The following AMDHD1 variants were observed in gnomAD, a reference collection of about 807,000 sequenced individuals.
The protein encoded by AMDHD1 is probable imidazolonepropionase.
In AMDHD1, 45 loss-of-function variants were observed where a neutral mutation model predicts 44.1. That is an observed-to-expected ratio of 1.02 (90% CI 0.80 to 1.31). The LOEUF (loss-of-function observed/expected upper bound fraction) is 1.31, where lower values mean the gene tolerates loss of function less well. Among genes scored for constraint, AMDHD1 ranks in the 50% most tolerant of loss-of-function variants. The pLI is 0.00. For synonymous variants in AMDHD1, 206 were observed against 205.0 expected, an observed-to-expected ratio of 1.00 and a Z score of -0.04; for missense variants, 586 against 552.1, an observed-to-expected ratio of 1.06 and a Z score of -0.61.
chr12:95,943,922 C>T (rs1374338155), intron 1 of AMDHD1, among the ~76,000 whole-genome samples: 1 of 152,158 alleles, frequency 6.6e-6, no homozygotes, highest in African/African-American at 2.4e-5. Context: ...CCCCCACTCC[C>T]TATCCCTAGA....
chr12:95,963,549 T>TTTA (rs2080593847), intron 6 of AMDHD1, among the ~76,000 whole-genome samples: 1 of 152,206 alleles, frequency 6.6e-6, no homozygotes, highest in Non-Finnish European at 1.5e-5. Flanking sequence ...ATTATACATT[T>TTTA]TTATTATTAT....
At chr12:95,957,045 C>A in intron 4 of AMDHD1, 83 bp downstream of exon 4, 5 of 1,554,792 alleles carry the variant, frequency 3.2e-6, no homozygotes, top group Admixed American at 1.7e-5. Flanking sequence ...AGCACTTTAG[C>A]TCTTGCAGGG....
At position 95,965,407 on chromosome 12, in the gene AMDHD1, T is replaced by C. The variant is rs138761588; in HGVS notation, c.939-279T>C. Among the ~76,000 whole-genome samples, 568 of 152,202 alleles carry C rather than the reference T, an allele frequency of 3.7e-3. 4 individuals are homozygous for C. The highest frequency in any genetic ancestry group is 0.013 in the African/African-American group (547 of 41,530). On this transcript the variant is annotated intron_variant, in intron 6 of 8. Transcript: ENST00000266736. Reference sequence around the variant, plus strand: ...AAACCATTTGTAAGTTATATTTTCCTCCCTTTGCAAGAATGCCTTAATATG... The same window carrying C: ...AAACCATTTGTAAGTTATATTTTCCCCCCTTTGCAAGAATGCCTTAATATG...
At chr12:95,960,307 T>C in intron 4 of AMDHD1, 91 bp from the exon 5 acceptor site, 1 of 1,093,908 alleles carries the variant, frequency 9.1e-7, no homozygotes, top group Non-Finnish European at 1.3e-6. Flanking sequence ...TTACCTCTAC[T>C]GCTCCTCAGG....
At chr12:95,965,825 G>A in intron 7 of AMDHD1, 46 bp downstream of exon 7, 1 of 1,216,762 alleles carries the variant, frequency 8.2e-7, no homozygotes, top group South Asian at 1.4e-5. Context: ...TATCTACCAA[G>A]CATATAAATA....
At chr12:95,955,085 T>A (rs555577080) in intron 3 of AMDHD1, 110 bp downstream of exon 3, 2 of 1,078,996 alleles carry the variant, frequency 1.9e-6, no homozygotes, top group South Asian at 2.8e-5. Flanking sequence ...TATTTTTTAA[T>A]GGATATTTTT....
intron 1 of AMDHD1, among the ~76,000 whole-genome samples, chr12:95,951,360 C>G (rs779852034): frequency 2.0e-5 from 3 of 152,188 alleles, no homozygotes; most frequent in Admixed American, 6.5e-5. Flanking sequence ...CTGTGCCTGG[C>G]TTATTTCACT....
intron 6 of AMDHD1, among the ~76,000 whole-genome samples, chr12:95,964,083 C>T (rs1329483101): frequency 6.8e-6 from 1 of 146,874 alleles, no homozygotes; most frequent in East Asian, 2.2e-4. Flanking sequence ...AATCTCTTGA[C>T]ATGGAGCAAA....
chr12:95,961,516 C>A (rs2080581391), intron 5 of AMDHD1, among the ~76,000 whole-genome samples: 3 of 152,174 alleles, frequency 2.0e-5, no homozygotes. Flanking sequence ...AATAAACAAG[C>A]CCTTGGGGCA....
chr12:95,963,049 T>C (rs1000135586), intron 6 of AMDHD1, among the ~76,000 whole-genome samples: 3 of 152,234 alleles, frequency 2.0e-5, no homozygotes, highest in African/African-American at 7.2e-5. Flanking sequence ...ACTGTTGCTC[T>C]GATTCTAACC....
intron 5 of AMDHD1, among the ~76,000 whole-genome samples, chr12:95,961,667 A>G (rs573566523): frequency 3.3e-5 from 5 of 152,334 alleles, no homozygotes; most frequent in African/African-American, 1.2e-4. Context: ...TTAAGTCAAA[A>G]TCTTGGATAT....
At chr12:95,958,875 G>A (rs1286323997) in intron 4 of AMDHD1, among the ~76,000 whole-genome samples, 1 of 152,036 alleles carries the variant, frequency 6.6e-6, no homozygotes, top group Non-Finnish European at 1.5e-5. Context: ...GATCAACATG[G>A]AGAAAGCCTG....
intron 5 of AMDHD1, 129 bp downstream of exon 5, chr12:95,960,752 A>G (rs888185722): frequency 4.1e-6 from 4 of 984,642 alleles, no homozygotes; most frequent in African/African-American, 3.3e-5. Flanking sequence ...TGAACAATGT[A>G]CAGATTGGTC....
Position 95,965,753 on chromosome 12 carries a change from A to G in AMDHD1, c.1006A>G (p.Asn336Asp). The change falls in exon 7 of 9, where the codon AAC becomes GAC. Residue 336 changes from asparagine (N) to aspartate (D), a missense_variant. Asn to Asp is a conservative substitution (Grantham distance 23). Transcript: ENST00000266736. ...AATAGTTGCTCTGGGAAGTGATTTC[A>G]ACCCCAATGCATATTGCTTTTCAAT... is the stretch of plus-strand genomic sequence containing the variant. ...GVIVALGSDFNPNAYCFSMPM... is the reference protein window; with the variant it reads ...GVIVALGSDFDPNAYCFSMPM... The G allele has an allele frequency of 6.2e-7, 1 of 1,612,964 alleles. No homozygotes were observed. Among genetic ancestry groups the G allele is most frequent in the Non-Finnish European group, 8.5e-7 (1 of 1,179,404 alleles).
chr12:95,951,098 C>T (rs1474274784), intron 1 of AMDHD1, among the ~76,000 whole-genome samples: 2 of 152,150 alleles, frequency 1.3e-5, no homozygotes, highest in Non-Finnish European at 2.9e-5. Flanking sequence ...TCCAATCGTA[C>T]TCCCTCAGTT....
intron 1 of AMDHD1, among the ~76,000 whole-genome samples, chr12:95,945,102 C>T (rs1421770278): frequency 6.6e-6 from 1 of 152,134 alleles, no homozygotes; most frequent in Non-Finnish European, 1.5e-5. Flanking sequence ...CCACTGCACT[C>T]CAGCCTGGGT....
At chr12:95,954,553 G>GT (rs1228977705) in intron 2 of AMDHD1, among the ~76,000 whole-genome samples, 1 of 137,828 alleles carries the variant, frequency 7.3e-6, no homozygotes, top group South Asian at 2.5e-4. Context: ...GGGCGACAGA[G>GT]TGAGAACCTT....
At chr12:95,956,054 T>C (rs4762256) in intron 3 of AMDHD1, among the ~76,000 whole-genome samples, 32,362 of 152,062 alleles carry the variant, frequency 0.21, 3,938 homozygotes, top group East Asian at 0.45. Context: ...ACATTGCGGG[T>C]TGATTGACTT....
chr12:95,967,909 A>G lies in AMDHD1; in HGVS notation c.*66A>G. ...GTCAATATAGTTATATTAAAAGTTAAAACACCTTAATATTTACAAGAATTA... is the reference window on the plus strand; with the variant it reads ...GTCAATATAGTTATATTAAAAGTTAGAACACCTTAATATTTACAAGAATTA... On this transcript the variant is annotated 3_prime_UTR_variant, in exon 9 of 9. Transcript: ENST00000266736. 1.9e-6 allele frequency: 2 copies of G among 1,040,792 alleles called. No homozygotes were observed. The highest frequency in any genetic ancestry group is 2.8e-6 in the Non-Finnish European group (2 of 714,168). The allele number at this position is 1,040,792 out of a possible 1,614,324, so 64.5% of individuals were successfully genotyped here.
Sources: gnomAD v4.1 joint callset for allele counts (sites outside exome capture counted in the v4.1 genomes callset) on GRCh38, gnomAD v4.1.1 for gene constraint, MANE v1.5 for transcripts, NCBI Gene and HGNC (gene_info 2026-07-23, HGNC 2026-07-21) for gene names.